The following RXFP1 variants were observed in gnomAD, a reference collection of about 807,000 sequenced individuals.
The protein encoded by RXFP1 is relaxin receptor 1.
A neutral mutation model predicts 89.8 loss-of-function variants in RXFP1; 73 were observed. The observed-to-expected ratio is 0.81, with a 90% CI of 0.67 to 0.99. The LOEUF (loss-of-function observed/expected upper bound fraction) is 0.99. Ranked by LOEUF, RXFP1 falls within the 50% of genes least tolerant of loss-of-function variation. The pLI is 0.00. For synonymous variants in RXFP1, 277 were observed against 305.5 expected, an observed-to-expected ratio of 0.91 and a Z score of 0.97; for missense variants, 793 against 895.5, an observed-to-expected ratio of 0.89 and a Z score of 1.46.
intron 8 of RXFP1, among the ~76,000 whole-genome samples, chr4:158,614,923 C>CT (rs199508699): frequency 2.0e-5 from 3 of 150,772 alleles, no homozygotes; most frequent in East Asian, 1.9e-4. Flanking sequence ...GAAAGAAAAC[C>CT]TTTTTTTTTC....
At chr4:158,556,213 A>C (rs1283723621) in intron 1 of RXFP1, among the ~76,000 whole-genome samples, 1 of 129,842 alleles carries the variant, frequency 7.7e-6, no homozygotes, top group Admixed American at 9.0e-5. Flanking sequence ...AATACATAAG[A>C]AACTTAACAG....
intron 6 of RXFP1, among the ~76,000 whole-genome samples, chr4:158,610,463 G>A (rs754186331): frequency 6.6e-6 from 1 of 152,148 alleles, no homozygotes; most frequent in Admixed American, 6.5e-5. Context: ...GCTATCACTG[G>A]GGAGAGGCAG....
At chr4:158,599,290 A>G in intron 3 of RXFP1, 36 bp from the exon 4 acceptor site, 1 of 1,612,722 alleles carries the variant, frequency 6.2e-7, no homozygotes, top group East Asian at 2.2e-5. Context: ...CTGGTCCCTC[A>G]CTGTCATCAT....
chr4:158,626,466 ACAAATGTTT>A (rs1351850736), intron 9 of RXFP1, among the ~76,000 whole-genome samples: 2 of 152,094 alleles, frequency 1.3e-5, no homozygotes. Context: ...GTAACTTTGG[ACAAATGTTT>A]CATATGGTTC....
Position 158,600,328 on chromosome 4 carries a change from TC to T in RXFP1, c.392+899del, listed in dbSNP as rs149837368. 9.9e-3 allele frequency among the ~76,000 whole-genome samples: 1,501 copies of T among 152,294 alleles called. 26 individuals are homozygous for T. The highest frequency in any genetic ancestry group is 0.034 in the African/African-American group (1,431 of 41,576). Reference sequence around the variant, plus strand: ...TGAGGTAAGAGCTACAACTCAGAGTTCCTGTGCATAGTGGTTCCATTGAATT... The same window carrying T: ...TGAGGTAAGAGCTACAACTCAGAGTTCTGTGCATAGTGGTTCCATTGAATT... On this transcript the variant is annotated intron_variant, in intron 4 of 17. Coordinates refer to ENST00000307765, the MANE Select transcript of RXFP1 (RefSeq NM_021634.4).
At chr4:158,602,812 G>A (rs1761936456) in intron 4 of RXFP1, among the ~76,000 whole-genome samples, 1 of 152,104 alleles carries the variant, frequency 6.6e-6, no homozygotes, top group South Asian at 2.1e-4. Context: ...AGAGCGCAGT[G>A]GCGCGATCTT....
intron 1 of RXFP1, among the ~76,000 whole-genome samples, chr4:158,529,360 G>T (rs1265407545): frequency 6.6e-6 from 1 of 151,884 alleles, no homozygotes; most frequent in African/African-American, 2.4e-5. Context: ...CTGGACTCAA[G>T]TGATCCTCCC....
chr4:158,631,999 G>A (rs114390025), intron 11 of RXFP1, among the ~76,000 whole-genome samples: 298 of 152,216 alleles, frequency 2.0e-3, no homozygotes, highest in Middle Eastern at 3.4e-3. Context: ...AGGCTGAGGC[G>A]GGAGCATGCT....
At chr4:158,649,247 G>A (rs1772156631) in intron 17 of RXFP1, among the ~76,000 whole-genome samples, 1 of 152,196 alleles carries the variant, frequency 6.6e-6, no homozygotes, top group Non-Finnish European at 1.5e-5. Flanking sequence ...GAAGCAATGA[G>A]TGACCAAAAT....
chr4:158,569,647 G>C (rs912259167), intron 1 of RXFP1, among the ~76,000 whole-genome samples: 1 of 152,156 alleles, frequency 6.6e-6, no homozygotes, highest in African/African-American at 2.4e-5. Context: ...TATGTGAAAC[G>C]TTATCAAATA....
chr4:158,557,755 C>A (rs1325943873), intron 1 of RXFP1, among the ~76,000 whole-genome samples: 2 of 152,190 alleles, frequency 1.3e-5, no homozygotes, highest in Non-Finnish European at 2.9e-5. Context: ...AAGCGAGATG[C>A]ATTTATATCC....
chr4:158,540,723 C>T (rs1044509147), intron 1 of RXFP1, among the ~76,000 whole-genome samples: 2 of 151,752 alleles, frequency 1.3e-5, no homozygotes, highest in Non-Finnish European at 2.9e-5. Context: ...AAGCCCACAG[C>T]GCACATCTGG....
intron 2 of RXFP1, among the ~76,000 whole-genome samples, chr4:158,584,672 C>T (rs1757966951): frequency 1.3e-5 from 2 of 152,118 alleles, no homozygotes; most frequent in African/African-American, 2.4e-5. Flanking sequence ...CCCTGCAAAT[C>T]GACAGGAATG....
intron 1 of RXFP1, among the ~76,000 whole-genome samples, chr4:158,561,335 C>T (rs1451006910): frequency 2.0e-5 from 3 of 152,196 alleles, no homozygotes; most frequent in African/African-American, 4.8e-5. Flanking sequence ...CAAGATGCCA[C>T]AGTGGAAAAT....
At chr4:158,630,119 A>G (rs1482883031) in intron 11 of RXFP1, among the ~76,000 whole-genome samples, 2 of 152,246 alleles carry the variant, frequency 1.3e-5, no homozygotes, top group Non-Finnish European at 2.9e-5. Flanking sequence ...TGCTAGGTAG[A>G]GGGAATACAT....
chr4:158,560,691 C>A lies in RXFP1; in HGVS notation c.50-12007C>A, dbSNP rs149510614. On this transcript the variant is annotated intron_variant, in intron 1 of 17. Coordinates refer to ENST00000307765, the MANE Select transcript of RXFP1 (RefSeq NM_021634.4). ...CTTGGTCTTGCCAGCACGTGTGTTGCCTCATAGATGCAAAACTGTTGCTGC... is the reference window on the plus strand; with the variant it reads ...CTTGGTCTTGCCAGCACGTGTGTTGACTCATAGATGCAAAACTGTTGCTGC... Among the ~76,000 whole-genome samples, 525 of 152,224 alleles carry A rather than the reference C, an allele frequency of 3.4e-3. 2 individuals are homozygous for A. Among genetic ancestry groups the A allele is most frequent in the Non-Finnish European group, 6.3e-3 (427 of 68,020 alleles).
intron 14 of RXFP1, among the ~76,000 whole-genome samples, chr4:158,640,036 T>G (rs1770057044): frequency 6.6e-6 from 1 of 152,152 alleles, no homozygotes. Flanking sequence ...GAAATGAACA[T>G]TTGTCGTCTA....
rs144732196 is a variant in RXFP1, at chr4:158,645,263, G to T, written c.1345+125G>T. On this transcript the variant is annotated intron_variant, in intron 15 of 17. Coordinates refer to ENST00000307765, the MANE Select transcript of RXFP1 (RefSeq NM_021634.4). ...ACATTTTTCTCCTTTTTGCTTGTATGCTGTTTTCACATTTTCTACAAAGAA... is the reference window on the plus strand; with the variant it reads ...ACATTTTTCTCCTTTTTGCTTGTATTCTGTTTTCACATTTTCTACAAAGAA... 201 of 675,884 alleles carry T rather than the reference G, an allele frequency of 3.0e-4. 1 individual carries two copies. In the African/African-American group the frequency reaches 3.3e-3, roughly 11 times the overall value. The allele number at this position is 675,884 out of a possible 1,614,324, so 41.9% of individuals were successfully genotyped here.
intron 8 of RXFP1, among the ~76,000 whole-genome samples, chr4:158,615,425 A>C (rs577391790): frequency 7.2e-5 from 11 of 152,250 alleles, no homozygotes; most frequent in African/African-American, 2.6e-4. Context: ...ATCCCCAGGT[A>C]CTTGGGAAGC....
Sources: allele counts gnomAD v4.1 joint callset (sites outside exome capture counted in the v4.1 genomes callset), GRCh38; gene constraint gnomAD v4.1.1; transcripts MANE v1.5; gene names NCBI Gene and HGNC (gene_info 2026-07-23, HGNC 2026-07-21).